The following ZRANB3 variants were observed in gnomAD, a reference collection of about 807,000 sequenced individuals.
ZRANB3 encodes the protein DNA annealing helicase and endonuclease ZRANB3.
ZRANB3 carries 125 observed loss-of-function variants against 133.8 expected under a neutral mutation model. That is an observed-to-expected ratio of 0.93 (90% CI 0.81 to 1.08). The LOEUF (loss-of-function observed/expected upper bound fraction) is 1.08, where lower values mean the gene tolerates loss of function less well. Among genes scored for constraint, ZRANB3 ranks in the 50% least tolerant of loss-of-function variants. ZRANB3 has a pLI of 0.00. For synonymous variants in ZRANB3, 387 were observed against 432.7 expected, an observed-to-expected ratio of 0.89 and a Z score of 1.31; for missense variants, 1,229 against 1,275.5, an observed-to-expected ratio of 0.96 and a Z score of 0.56.
chr2:135,487,359 T>A (rs1255497631), intron 2 of ZRANB3, among the ~76,000 whole-genome samples: 2 of 152,196 alleles, frequency 1.3e-5, no homozygotes, highest in East Asian at 1.9e-4. Flanking sequence ...AGATGGTCAA[T>A]GAGCACTGGC....
At chr2:135,251,897 T>C (rs1679414521) in intron 12 of ZRANB3, among the ~76,000 whole-genome samples, 1 of 151,976 alleles carries the variant, frequency 6.6e-6, no homozygotes. Flanking sequence ...TAGCTGGGTG[T>C]GGTGGTGTGT....
intron 2 of ZRANB3, among the ~76,000 whole-genome samples, chr2:135,501,295 C>A (rs1247309992): frequency 6.6e-6 from 1 of 152,120 alleles, no homozygotes; most frequent in African/African-American, 2.4e-5. Context: ...ATATACTCCT[C>A]ACTAAATTCA....
intron 1 of ZRANB3, chr2:135,512,042 T>C: frequency 3.8e-6 from 2 of 527,734 alleles, no homozygotes; most frequent in East Asian, 3.0e-5. Flanking sequence ...GCACTGATGA[T>C]GGCAGAAACC....
At chr2:135,426,887 T>A (rs1385155594) in intron 2 of ZRANB3, among the ~76,000 whole-genome samples, 6 of 53,892 alleles carry the variant, frequency 1.1e-4, no homozygotes, top group African/African-American at 4.2e-4. Context: ...TATATATATA[T>A]ATATATATAT....
chr2:135,362,611 C>G (rs187330342), intron 3 of ZRANB3, among the ~76,000 whole-genome samples: 26 of 152,162 alleles, frequency 1.7e-4, no homozygotes, highest in Non-Finnish European at 3.2e-4. Context: ...AGGGAGAAGG[C>G]TCTGGAATGG....
intron 12 of ZRANB3, among the ~76,000 whole-genome samples, chr2:135,252,801 A>C (rs1679467126): frequency 6.6e-6 from 1 of 152,110 alleles, no homozygotes; most frequent in African/African-American, 2.4e-5. Flanking sequence ...TGTTGTTTCA[A>C]TTTGTCCTCT....
rs75201673 is a variant in ZRANB3 at position 135,338,594 on chromosome 2, A to T, written c.677+6956T>A. ...CGTGTGTTTTACACATATACATTTT[A>T]AAAAATACAAAAGATAACACAATTT... On this transcript the variant is annotated intron_variant, in intron 6 of 20. Coordinates refer to ENST00000264159, the MANE Select transcript of ZRANB3 (RefSeq NM_032143.4). Among the ~76,000 whole-genome samples, 449 of 152,336 alleles carry T rather than the reference A, an allele frequency of 2.9e-3. 2 individuals carry two copies. Among genetic ancestry groups the T allele is most frequent in the African/African-American group, 0.01 (425 of 41,574 alleles).
At position 135,218,909 on chromosome 2, in the gene ZRANB3, T is replaced by G. The variant is rs1694423204; in HGVS notation, c.2352+168A>C. 2.6e-5 allele frequency among the ~76,000 whole-genome samples: 4 copies of G among 152,318 alleles called. No homozygotes were observed. In the South Asian group the frequency reaches 8.3e-4, roughly 32 times the overall value. ...CAGATTTCACATATATTCTTAGCAC[T>G]GGGTAATTAATAGGCACCACCTAGA... is the stretch of plus-strand genomic sequence containing the variant. On this transcript the variant is annotated intron_variant, in intron 16 of 20. Coordinates refer to ENST00000264159, the MANE Select transcript of ZRANB3 (RefSeq NM_032143.4).
chr2:135,459,558 C>T (rs1375799608), intron 2 of ZRANB3, among the ~76,000 whole-genome samples: 1 of 152,158 alleles, frequency 6.6e-6, no homozygotes, highest in Non-Finnish European at 1.5e-5. Flanking sequence ...AATTTTATCA[C>T]TGTCTTTGAT....
chr2:135,244,748 T>A (rs1032425984), intron 12 of ZRANB3, among the ~76,000 whole-genome samples: 2 of 152,152 alleles, frequency 1.3e-5, no homozygotes. Flanking sequence ...TAAGCTATTT[T>A]AAAAATAACT....
intron 2 of ZRANB3, among the ~76,000 whole-genome samples, chr2:135,500,142 T>C (rs1692869809): frequency 6.6e-6 from 1 of 152,152 alleles, no homozygotes; most frequent in Non-Finnish European, 1.5e-5. Context: ...CCTCCAAAAC[T>C]GTGGGAAAAT....
At chr2:135,463,671 C>T (rs962497144) in intron 2 of ZRANB3, among the ~76,000 whole-genome samples, 1 of 152,166 alleles carries the variant, frequency 6.6e-6, no homozygotes, top group African/African-American at 2.4e-5. Context: ...CCCGCCTCAG[C>T]CTCCCAAAGT....
chr2:135,263,939 C>A (rs921259597), intron 12 of ZRANB3, among the ~76,000 whole-genome samples: 2 of 150,538 alleles, frequency 1.3e-5, no homozygotes, highest in African/African-American at 4.9e-5. Context: ...TGACGCCCGG[C>A]TAATTTTTTT....
At chr2:135,201,200 A>T (rs1360207007) in intron 20 of ZRANB3, among the ~76,000 whole-genome samples, 1 of 152,226 alleles carries the variant, frequency 6.6e-6, no homozygotes, top group East Asian at 1.9e-4. Flanking sequence ...AGAATCTAAA[A>T]AAATAATTAC....
intron 8 of ZRANB3, among the ~76,000 whole-genome samples, chr2:135,312,253 C>T (rs913459385): frequency 6.8e-6 from 1 of 148,108 alleles, no homozygotes; most frequent in Non-Finnish European, 1.5e-5. Flanking sequence ...AGCTGGAGTG[C>T]GGTGGCACAA....
At chr2:135,508,541 A>G (rs571116329) in intron 1 of ZRANB3, among the ~76,000 whole-genome samples, 57 of 152,330 alleles carry the variant, frequency 3.7e-4, no homozygotes, top group Middle Eastern at 6.8e-3. Context: ...TGAAGATAAA[A>G]GAAATCTAAA....
intron 2 of ZRANB3, among the ~76,000 whole-genome samples, chr2:135,467,802 G>C (rs1007370810): frequency 3.9e-5 from 6 of 152,116 alleles, no homozygotes; most frequent in African/African-American, 1.4e-4. Flanking sequence ...CAGCACTCCA[G>C]ACCCTCTGAG....
chr2:135,479,918 CT>C (rs1691688067), intron 2 of ZRANB3, among the ~76,000 whole-genome samples: 1 of 151,654 alleles, frequency 6.6e-6, no homozygotes, highest in Admixed American at 6.6e-5. Flanking sequence ...TTTTTTATAC[CT>C]ATACTTACGA....
chr2:135,334,833 T>C (rs1033278163), intron 6 of ZRANB3, among the ~76,000 whole-genome samples: 1 of 152,100 alleles, frequency 6.6e-6, no homozygotes, highest in Non-Finnish European at 1.5e-5. Context: ...AGGCGGAGGT[T>C]GCAGTGTGCT....
Sources: allele counts gnomAD v4.1 joint callset (sites outside exome capture counted in the v4.1 genomes callset), GRCh38; gene constraint gnomAD v4.1.1; transcripts MANE v1.5; gene names NCBI Gene and HGNC (gene_info 2026-07-23, HGNC 2026-07-21).